Variants in HEBP1 observed in about 807,000 individuals in gnomAD.
HEBP1 encodes the protein heme-binding protein 1.
A neutral mutation model predicts 20.4 loss-of-function variants in HEBP1; 13 were observed. The observed-to-expected ratio is 0.64, with a 90% confidence interval of 0.42 to 1.01. The LOEUF (loss-of-function observed/expected upper bound fraction) is 1.01, where lower values mean the gene tolerates loss of function less well. Among genes scored for constraint, HEBP1 ranks in the 50% least tolerant of loss-of-function variants. HEBP1 has a pLI of 0.00. For synonymous variants in HEBP1, 92 were observed against 90.7 expected, an observed-to-expected ratio of 1.01 and a Z score of -0.08; for missense variants, 241 against 247.3, an observed-to-expected ratio of 0.97 and a Z score of 0.17.
At chr12:12,989,193 C>G in intron 2 of HEBP1, 84 bp downstream of exon 2, 1 of 1,454,458 alleles carries the variant, frequency 6.9e-7, no homozygotes, top group Non-Finnish European at 9.6e-7. Flanking sequence ...CCTTGTAGCC[C>G]CTCACTTGCA....
In HEBP1 at chr12:12,975,272, G is replaced by A; in HGVS notation, c.*36C>T. Reference sequence around the variant, plus strand: ...TACCCCCGAGGAAGGAGACACAGAGGCACACTTCCAGTAAGTTCTTGGTTC... The same window carrying A: ...TACCCCCGAGGAAGGAGACACAGAGACACACTTCCAGTAAGTTCTTGGTTC... On this transcript the variant is annotated 3_prime_UTR_variant, in exon 4 of 4. Coordinates refer to ENST00000014930, the MANE Select transcript of HEBP1 (RefSeq NM_015987.5). The A allele has an allele frequency of 6.2e-7, 1 of 1,602,226 alleles. No individual in the cohort carries two copies.
intron 3 of HEBP1, chr12:12,978,822 TG>T (rs1864035619): frequency 1.3e-5 from 2 of 152,190 alleles, no homozygotes; most frequent in Non-Finnish European, 2.9e-5. Context: ...GAGGGGCAGC[TG>T]TAGGGGTGTT....
intron 2 of HEBP1, among the ~76,000 whole-genome samples, chr12:12,988,540 C>T (rs981843065): frequency 1.3e-5 from 2 of 152,158 alleles, no homozygotes; most frequent in Admixed American, 6.5e-5. Context: ...TCTAAATTAT[C>T]AGCTTGAGAA....
At chr12:12,975,533 G>T (rs902891322) in intron 3 of HEBP1, 54 bp from the exon 4 acceptor site, 6 of 1,495,044 alleles carry the variant, frequency 4.0e-6, no homozygotes, top group Non-Finnish European at 5.4e-6. Context: ...TCTGAGAGAG[G>T]GGGGATCTTT....
chr12:12,978,010 A>T (rs988851721), intron 3 of HEBP1, among the ~76,000 whole-genome samples: 4 of 152,174 alleles, frequency 2.6e-5, no homozygotes, highest in Non-Finnish European at 5.9e-5. Flanking sequence ...AGATGACAGC[A>T]CTTAGGACCT....
rs947890239 is a variant in HEBP1, at chr12:12,974,961, A to G, written c.*347T>C. ...AGATGAAAGATCAGGCACAAATCAC[A>G]TTTTCCCCCTTAATAACAAAATACA... On this transcript the variant is annotated 3_prime_UTR_variant, in exon 4 of 4. Coordinates refer to ENST00000014930, the MANE Select transcript of HEBP1 (RefSeq NM_015987.5). 1.4e-4 allele frequency: 29 copies of G among 200,894 alleles called. No individual in the cohort carries two copies. Among genetic ancestry groups the G allele is most frequent in the African/African-American group, 6.9e-4 (29 of 42,038 alleles). The allele number at this position is 200,894 out of a possible 1,614,324, so 12.4% of individuals were successfully genotyped here.
Position 12,998,946 on chromosome 12 carries a change from A to C in HEBP1, c.78+1091T>G, listed in dbSNP as rs2136554364. On this transcript the variant is annotated intron_variant, in intron 1 of 3. Transcript: ENST00000014930. This position sits in a 1 kb window ranked among gnomAD's most constrained non-coding sequence, Gnocchi z 4.2. ...TAGGTACCCAACTCCAGAGGATCTA[A>C]CTGGCCAAAAGCAATGGTACAGCTC... Among the ~76,000 whole-genome samples the C allele has an allele frequency of 6.6e-6, 1 of 152,276 alleles. No homozygotes were observed. The highest frequency in any genetic ancestry group is 6.5e-5 in the Admixed American group (1 of 15,304).
rs1864155628 is a variant in HEBP1 at position 12,986,617 on chromosome 12, G to C, written c.398+535C>G. The C allele has an allele frequency of 6.6e-6, 1 of 152,340 alleles. No homozygotes were observed. 9.4% of individuals were successfully genotyped at this position (152,340 alleles called of 1,614,324 possible). A position where few individuals can be genotyped will look rare whatever the true frequency, so the allele number is the denominator to read the frequency against. On this transcript the variant is annotated intron_variant, in intron 3 of 3. Transcript: ENST00000014930. The surrounding 1 kb of genome is among the most constrained non-coding windows in gnomAD (Gnocchi z 4.3). The stretch of plus-strand genomic sequence containing the variant: ...CACCTGCTATTCTCTACAGTCAAGG[G>C]AAAATGACCCCACATGAAGTCCTGG...
At chr12:12,984,539 A>G (rs908772029) in intron 3 of HEBP1, 1 of 152,262 alleles carries the variant, frequency 6.6e-6, no homozygotes, top group African/African-American at 2.4e-5. Context: ...AGCAAAATCC[A>G]GTACAGATAA....
intron 3 of HEBP1, chr12:12,985,714 A>G (rs1372079845): frequency 6.6e-5 from 10 of 152,144 alleles, no homozygotes; most frequent in Admixed American, 6.5e-4. Context: ...ATACTGAAAG[A>G]TATTTAACAA....
intron 2 of HEBP1, among the ~76,000 whole-genome samples, 167 bp downstream of exon 2, chr12:12,989,110 C>T (rs922285073): frequency 3.9e-5 from 6 of 152,248 alleles, no homozygotes; most frequent in African/African-American, 1.4e-4. Context: ...GGTTTCCCCA[C>T]ATTCCTGCAA....
intron 1 of HEBP1, 137 bp from the exon 2 acceptor site, chr12:12,989,552 A>C (rs1183481636): frequency 1.5e-5 from 10 of 669,858 alleles, no homozygotes; most frequent in Non-Finnish European, 2.5e-5. Flanking sequence ...CTGAGTATGA[A>C]GGGCCATGAG....
chr12:12,981,144 A>T (rs1457941630), intron 3 of HEBP1, among the ~76,000 whole-genome samples: 1 of 152,226 alleles, frequency 6.6e-6, no homozygotes, highest in Non-Finnish European at 1.5e-5. Flanking sequence ...GGATGAGCCA[A>T]TAATTAGATG....
In HEBP1 at chr12:12,996,470, G is replaced by A. The variant is rs1031532407; in HGVS notation, c.78+3567C>T. ...GCGGCAGCACTGGCCTCCCTGCCAA[G>A]TACTTGGAATCAGTCCCCAACATCT... On this transcript the variant is annotated intron_variant, in intron 1 of 3. Coordinates refer to ENST00000014930, the MANE Select transcript of HEBP1 (RefSeq NM_015987.5). The surrounding 1 kb of genome is among the most constrained non-coding windows in gnomAD (Gnocchi z 4.1). Among the ~76,000 whole-genome samples the A allele has an allele frequency of 1.3e-5, 2 of 152,194 alleles. No individual in the cohort carries two copies. Among genetic ancestry groups the A allele is most frequent in the Non-Finnish European group, 1.5e-5 (1 of 68,036 alleles).
At position 12,998,286 on chromosome 12, in the gene HEBP1, G is replaced by T. The variant is rs1864314520; in HGVS notation, c.78+1751C>A. Among the ~76,000 whole-genome samples, 1 of 152,146 alleles carries T rather than the reference G, an allele frequency of 6.6e-6. No homozygotes were observed. Among genetic ancestry groups the T allele is most frequent in the Admixed American group, 6.5e-5 (1 of 15,272 alleles). On this transcript the variant is annotated intron_variant, in intron 1 of 3. Transcript: ENST00000014930. This position sits in a 1 kb window ranked among gnomAD's most constrained non-coding sequence, Gnocchi z 4.2. ...ATCCCATTGCCTAGAAGAGTGCCTGGCACATAGCACTCAAAAAACAGTTTT... is the reference window on the plus strand; with the variant it reads ...ATCCCATTGCCTAGAAGAGTGCCTGTCACATAGCACTCAAAAAACAGTTTT...
Position 13,000,231 on chromosome 12 carries a change from A to AGGGCGGCAGGGCGGCAAGGCGGCG in HEBP1, c.-118_-117insCGCCGCCTTGCCGCCCTGCCGCCC. On this transcript the variant is annotated 5_prime_UTR_variant, in exon 1 of 4. Coordinates refer to ENST00000014930, the MANE Select transcript of HEBP1 (RefSeq NM_015987.5). Reference sequence around the variant, plus strand: ...CAGGGCGGCAGGGCGGCAGGGCGGCAGGGTGGCAGGGCGGCAAGGCGGCGG... The same window carrying AGGGCGGCAGGGCGGCAAGGCGGCG: ...CAGGGCGGCAGGGCGGCAGGGCGGCAGGGCGGCAGGGCGGCAAGGCGGCGGGGTGGCAGGGCGGCAAGGCGGCGG... 2.7e-6 allele frequency: 1 copy of AGGGCGGCAGGGCGGCAAGGCGGCG among 371,536 alleles called. No homozygotes were observed. Among genetic ancestry groups the AGGGCGGCAGGGCGGCAAGGCGGCG allele is most frequent in the Non-Finnish European group, 4.8e-6 (1 of 209,610 alleles). 23.0% of individuals were successfully genotyped at this position (371,536 alleles called of 1,614,324 possible). A position where few individuals can be genotyped will look rare whatever the true frequency, so the allele number is the denominator to read the frequency against.
At chr12:12,991,765 CT>C (rs573392605) in intron 1 of HEBP1, among the ~76,000 whole-genome samples, 8 of 151,602 alleles carry the variant, frequency 5.3e-5, no homozygotes, top group Non-Finnish European at 1.2e-4. Flanking sequence ...TGCATCCTGG[CT>C]TTTTTTTTGT....
In HEBP1 at chr12:13,000,211, C is replaced by CGGCAGGGT. The variant is rs1398983649; in HGVS notation, c.-98_-97insACCCTGCC. 1.0e-3 allele frequency: 403 copies of CGGCAGGGT among 388,922 alleles called. No homozygotes were observed. Among genetic ancestry groups the CGGCAGGGT allele is most frequent in the African/African-American group, 7.9e-3 (375 of 47,486 alleles). The allele number at this position is 388,922 out of a possible 1,614,324, so 24.1% of individuals were successfully genotyped here. A position where few individuals can be genotyped will look rare whatever the true frequency, so the allele number is the denominator to read the frequency against. On this transcript the variant is annotated 5_prime_UTR_variant, in exon 1 of 4. Transcript: ENST00000014930. ...GACCACCGGCGGCAGGGCGGCAGGG[C>CGGCAGGGT]GGCAGGGCGGCAGGGCGGCAGGGTG...
intron 3 of HEBP1, chr12:12,985,736 G>T (rs1248083117): frequency 6.6e-6 from 1 of 151,928 alleles, no homozygotes; most frequent in Admixed American, 6.6e-5. Context: ...AATCCTATAA[G>T]GTTACATTAC....
Sources: allele counts gnomAD v4.1 joint callset (sites outside exome capture counted in the v4.1 genomes callset), GRCh38; gene constraint gnomAD v4.1.1; non-coding constraint Gnocchi (gnomAD v3.1); transcripts MANE v1.5; gene names NCBI Gene and HGNC (gene_info 2026-07-23, HGNC 2026-07-21).